The following SSBP3 variants were observed in gnomAD, a reference collection of about 807,000 sequenced individuals.
The protein encoded by SSBP3 is single-stranded DNA-binding protein 3.
SSBP3 carries 5 observed loss-of-function variants against 69.6 expected under a neutral mutation model. That is an observed-to-expected ratio of 0.07 (90% confidence interval 0.04 to 0.15). The LOEUF (loss-of-function observed/expected upper bound fraction) is 0.15. Among genes scored for constraint, SSBP3 ranks in the 10% least tolerant of loss-of-function variants. SSBP3 has a pLI of 1.00. For synonymous variants in SSBP3, 196 were observed against 193.4 expected (o/e 1.01, Z -0.11); for missense variants, 312 against 534.0 (o/e 0.58, Z 4.10).
At chr1:54,305,413 A>G (rs1645880992) in intron 4 of SSBP3, among the ~76,000 whole-genome samples, 1 of 152,092 alleles carries the variant, frequency 6.6e-6, no homozygotes, top group African/African-American at 2.4e-5. Context: ...GGAAATACCA[A>G]CTTAGATCCA....
At chr1:54,364,255 C>G (rs1646994226) in intron 4 of SSBP3, among the ~76,000 whole-genome samples, 1 of 152,186 alleles carries the variant, frequency 6.6e-6, no homozygotes, top group Non-Finnish European at 1.5e-5. Flanking sequence ...CCCACAAAGC[C>G]TGAAATATTT....
chr1:54,400,217 T>C (rs1256865370), intron 4 of SSBP3, among the ~76,000 whole-genome samples: 1 of 152,192 alleles, frequency 6.6e-6, no homozygotes, highest in Admixed American at 6.5e-5. Flanking sequence ...GTTAAAATCA[T>C]TAACTTCTCT....
chr1:54,294,347 C>T lies in SSBP3; in HGVS notation c.277-12820G>A, dbSNP rs188475900. 7.0e-4 allele frequency among the ~76,000 whole-genome samples: 106 copies of T among 152,096 alleles called. 1 individual carries two copies. In the East Asian group the frequency reaches 0.016, roughly 24 times the overall value. ...TCCAAATAACAACAAACAAAACACA[C>T]ACCCTGCCACAAACTGTTCCTTCTG... On this transcript the variant is annotated intron_variant, in intron 4 of 17. Coordinates refer to ENST00000610401, the Ensembl canonical transcript of SSBP3.
chr1:54,253,257 T>C (rs1251276826), intron 7 of SSBP3, among the ~76,000 whole-genome samples: 2 of 149,702 alleles, frequency 1.3e-5, no homozygotes, highest in Non-Finnish European at 3.0e-5. Flanking sequence ...AGTAGTGTGA[T>C]CACAGCTCAC....
At chr1:54,296,605 G>C (rs887189710) in intron 4 of SSBP3, among the ~76,000 whole-genome samples, 1 of 152,242 alleles carries the variant, frequency 6.6e-6, no homozygotes, top group East Asian at 1.9e-4. Flanking sequence ...GTTTTCCCAA[G>C]ATGTCTGTGC....
chr1:54,380,333 T>C (rs892174071), intron 4 of SSBP3, among the ~76,000 whole-genome samples: 2 of 152,118 alleles, frequency 1.3e-5, no homozygotes, highest in African/African-American at 4.8e-5. Context: ...TGAGTCTTGA[T>C]TACACCCTGG....
chr1:54,333,727 G>A (rs1485794766), intron 4 of SSBP3, among the ~76,000 whole-genome samples: 1 of 152,164 alleles, frequency 6.6e-6, no homozygotes, highest in Non-Finnish European at 1.5e-5. Context: ...GGTGATACAT[G>A]TAACTGTTTA....
chr1:54,362,277 A>G (rs1391030536), intron 4 of SSBP3, among the ~76,000 whole-genome samples: 1 of 152,240 alleles, frequency 6.6e-6, no homozygotes, highest in Non-Finnish European at 1.5e-5. Flanking sequence ...CCATCCTGGC[A>G]GCAAGCAGCT....
At chr1:54,245,285 G>A (rs1306437839) in intron 9 of SSBP3, among the ~76,000 whole-genome samples, 1 of 152,200 alleles carries the variant, frequency 6.6e-6, no homozygotes, top group Non-Finnish European at 1.5e-5. Flanking sequence ...CAGTCTCCCA[G>A]AAAAGGAGAC....
rs572913908 is a variant in SSBP3, at chr1:54,232,718, G to C, written c.928-3892C>G. On this transcript the variant is annotated intron_variant, in intron 14 of 17. Transcript: ENST00000610401. ...CCTGATTCTCCTGCCTCAGCCTGCC[G>C]AGTGCCTGCGATTGCAGGCACGCGC... Among the ~76,000 whole-genome samples the C allele has an allele frequency of 3.3e-5, 5 of 151,116 alleles. No individual in the cohort carries two copies. In the South Asian group the frequency reaches 8.4e-4, roughly 25 times the overall value.
intron 5 of SSBP3, among the ~76,000 whole-genome samples, chr1:54,267,207 T>C (rs1449461896): frequency 6.6e-6 from 1 of 152,204 alleles, no homozygotes; most frequent in African/African-American, 2.4e-5. Flanking sequence ...AGCCACTAAA[T>C]GCTTAAGGAG....
chr1:54,339,696 T>C (rs1036174056), intron 4 of SSBP3, among the ~76,000 whole-genome samples: 1 of 152,136 alleles, frequency 6.6e-6, no homozygotes, highest in East Asian at 1.9e-4. Flanking sequence ...GTAGTTCACC[T>C]GAGGTCAGGA....
intron 4 of SSBP3, among the ~76,000 whole-genome samples, chr1:54,386,683 CTTTTTTTTTTTT>C (rs58429798): frequency 1.1e-4 from 8 of 76,098 alleles, no homozygotes; most frequent in Non-Finnish European, 1.9e-4. Flanking sequence ...ACTGATCCTA[CTTTTTTTTTTTT>C]TTTTTTTTTA....
chr1:54,408,769 C>T (rs1400873164), upstream of SSBP3, among the ~76,000 whole-genome samples: 1 of 152,208 alleles, frequency 6.6e-6, no homozygotes, highest in African/African-American at 2.4e-5. Flanking sequence ...GGAAAAAGGA[C>T]TAGCACCTCC....
intron 4 of SSBP3, among the ~76,000 whole-genome samples, chr1:54,401,402 A>ACACC (rs1302577898): frequency 6.6e-6 from 1 of 151,712 alleles, no homozygotes; most frequent in Non-Finnish European, 1.5e-5. Context: ...ACACACACAC[A>ACACC]CCCATAATTT....
chr1:54,372,916 C>T (rs1305212408), intron 4 of SSBP3, among the ~76,000 whole-genome samples: 1 of 152,230 alleles, frequency 6.6e-6, no homozygotes, highest in African/African-American at 2.4e-5. Context: ...GCCTAGTCCT[C>T]CTCTTTTTCT....
intron 9 of SSBP3, among the ~76,000 whole-genome samples, chr1:54,249,222 T>C (rs1177171259): frequency 6.6e-6 from 1 of 152,220 alleles, no homozygotes. Context: ...AGAATCTCAG[T>C]GTTACGATGG....
chr1:54,241,074 T>G, intron 12 of SSBP3, 115 bp from the exon 13 acceptor site: 1 of 1,126,158 alleles, frequency 8.9e-7, no homozygotes, highest in East Asian at 2.5e-5. Context: ...CCAGCCGCTA[T>G]TCATCTTGCT....
intron 4 of SSBP3, among the ~76,000 whole-genome samples, chr1:54,336,044 C>T (rs938080046): frequency 2.6e-5 from 4 of 152,244 alleles, no homozygotes; most frequent in Admixed American, 1.3e-4. Flanking sequence ...TACTTAACCT[C>T]TCTGAGCTTC....
Sources: allele counts gnomAD v4.1 joint callset (sites outside exome capture counted in the v4.1 genomes callset), GRCh38; gene constraint gnomAD v4.1.1; transcripts MANE v1.5; gene names NCBI Gene and HGNC (gene_info 2026-07-23, HGNC 2026-07-21).